Variants in GABBR2 observed in about 807,000 individuals in gnomAD.
The protein encoded by GABBR2 is G-protein coupled receptor 51.
A neutral mutation model predicts 105.6 loss-of-function variants in GABBR2; 23 were observed. That is an observed-to-expected ratio of 0.22 (90% confidence interval 0.16 to 0.31). The LOEUF is 0.31. Among genes scored for constraint, GABBR2 ranks in the 10% least tolerant of loss-of-function variants. The probability of loss-of-function intolerance (pLI) is 1.00; values close to 1 mark genes in which losing one functional copy is unlikely to be tolerated. For synonymous variants in GABBR2, 478 were observed against 499.7 expected (o/e 0.96, Z 0.58); for missense variants, 734 against 1,245.5 (o/e 0.59, Z 6.18).
At chr9:98,393,691 T>C (rs1427505722) in intron 9 of GABBR2, among the ~76,000 whole-genome samples, 2 of 152,202 alleles carry the variant, frequency 1.3e-5, no homozygotes, top group African/African-American at 4.8e-5. Context: ...GAAGAAAGAC[T>C]GGAAGCAAAG....
At chr9:98,569,653 G>A (rs1828799255) in intron 2 of GABBR2, among the ~76,000 whole-genome samples, 1 of 152,184 alleles carries the variant, frequency 6.6e-6, no homozygotes, top group Non-Finnish European at 1.5e-5. Context: ...AGTGCTGGAG[G>A]GTGAGCCACG....
At chr9:98,645,612 G>C (rs888734913) in intron 1 of GABBR2, among the ~76,000 whole-genome samples, 22 of 152,290 alleles carry the variant, frequency 1.4e-4, no homozygotes, top group Non-Finnish European at 1.5e-5. Context: ...CTAAGGTTCT[G>C]AATGTCCCTG....
At chr9:98,656,176 C>G (rs1461359479) in intron 1 of GABBR2, among the ~76,000 whole-genome samples, 1 of 152,130 alleles carries the variant, frequency 6.6e-6, no homozygotes, top group Non-Finnish European at 1.5e-5. Flanking sequence ...TGATCATGGC[C>G]TACAGCAGAT....
At chr9:98,356,817 C>T (rs995044744) in intron 13 of GABBR2, among the ~76,000 whole-genome samples, 1 of 152,072 alleles carries the variant, frequency 6.6e-6, no homozygotes, top group African/African-American at 2.4e-5. Context: ...GGAAATAGGA[C>T]ATTATTCAGT....
chr9:98,303,119 A>C, intron 16 of GABBR2, 122 bp downstream of exon 16: 1 of 700,022 alleles, frequency 1.4e-6, no homozygotes, highest in Non-Finnish European at 2.4e-6. Context: ...CTGCAACTGC[A>C]GCTGATGAGA....
intron 2 of GABBR2, among the ~76,000 whole-genome samples, chr9:98,572,812 C>T (rs892035386): frequency 6.6e-6 from 1 of 152,170 alleles, no homozygotes; most frequent in African/African-American, 2.4e-5. Context: ...ATTCTGCCTC[C>T]CAGGTCCTCA....
chr9:98,453,118 C>G (rs1167739610), intron 7 of GABBR2, among the ~76,000 whole-genome samples: 6 of 152,292 alleles, frequency 3.9e-5, no homozygotes, highest in African/African-American at 1.4e-4. Context: ...CCTCTGCTTC[C>G]CGGGTTCAAG....
intron 13 of GABBR2, among the ~76,000 whole-genome samples, chr9:98,322,637 C>T (rs995441929): frequency 6.6e-6 from 1 of 151,730 alleles, no homozygotes; most frequent in South Asian, 2.1e-4. Flanking sequence ...TGTTCCCCAT[C>T]CCCCAGTCTC....
intron 3 of GABBR2, among the ~76,000 whole-genome samples, chr9:98,508,337 C>T (rs908304651): frequency 1.7e-4 from 26 of 152,190 alleles, no homozygotes; most frequent in South Asian, 4.1e-4. Context: ...CCAGCGTGAG[C>T]GATGCAGAAG....
rs1231469635 is a variant in GABBR2 at position 98,548,229 on chromosome 9, C to T, written c.460-6186G>A. 3.3e-5 allele frequency among the ~76,000 whole-genome samples: 4 copies of T among 121,160 alleles called. 1 individual carries two copies. Among genetic ancestry groups the T allele is most frequent in the Non-Finnish European group, 5.5e-5 (3 of 54,116 alleles). 79.5% of individuals were successfully genotyped at this position (121,160 alleles called of 152,430 possible). The stretch of plus-strand genomic sequence containing the variant: ...GGGCTTATCAAGAGACACATGTGGA[C>T]GGCACTTGGCCCTGTTTTCTATTTA... On this transcript the variant is annotated intron_variant, in intron 2 of 18. Transcript: ENST00000259455.
chr9:98,463,193 T>A (rs969988561), intron 6 of GABBR2, among the ~76,000 whole-genome samples: 2 of 152,198 alleles, frequency 1.3e-5, no homozygotes, highest in African/African-American at 4.8e-5. Context: ...CCAGCCAATA[T>A]GTGCAATAAT....
chr9:98,461,189 G>A (rs1334095603), intron 6 of GABBR2, among the ~76,000 whole-genome samples: 1 of 152,128 alleles, frequency 6.6e-6, no homozygotes, highest in Non-Finnish European at 1.5e-5. Context: ...CAGAAAAATA[G>A]AAATGTGGGA....
At chr9:98,488,261 C>T (rs1240424003) in intron 4 of GABBR2, among the ~76,000 whole-genome samples, 1 of 152,182 alleles carries the variant, frequency 6.6e-6, no homozygotes, top group Non-Finnish European at 1.5e-5. Context: ...GAAGACACTT[C>T]CCTCTCTGGA....
chr9:98,341,766 G>A (rs957359159), intron 13 of GABBR2, among the ~76,000 whole-genome samples: 7 of 152,208 alleles, frequency 4.6e-5, no homozygotes, highest in African/African-American at 1.7e-4. Context: ...CGTAGTAGAT[G>A]CTGAATCATG....
chr9:98,482,814 C>T (rs1030558826), intron 4 of GABBR2, among the ~76,000 whole-genome samples: 1 of 152,096 alleles, frequency 6.6e-6, no homozygotes, highest in East Asian at 1.9e-4. Flanking sequence ...CACCCGGTGG[C>T]TTCCATGCTG....
chr9:98,313,915 G>A (rs1046155794), intron 13 of GABBR2, among the ~76,000 whole-genome samples: 7 of 152,166 alleles, frequency 4.6e-5, no homozygotes, highest in African/African-American at 1.7e-4. Context: ...GTGCTCCCAC[G>A]TGAAAGCAGG....
intron 6 of GABBR2, among the ~76,000 whole-genome samples, chr9:98,470,707 G>A (rs1826656650): frequency 6.6e-6 from 1 of 152,042 alleles, no homozygotes; most frequent in Non-Finnish European, 1.5e-5. Context: ...ACCTTGCACT[G>A]GCATGACTCA....
chr9:98,695,463 G>T (rs117160758), intron 1 of GABBR2, among the ~76,000 whole-genome samples: 1 of 152,162 alleles, frequency 6.6e-6, no homozygotes, highest in African/African-American at 2.4e-5. Flanking sequence ...AGAAATGGAT[G>T]GGGCTTAAAA....
chr9:98,371,600 G>A lies in GABBR2; in HGVS notation c.1663-29C>T, dbSNP rs778527793. ...GAGGCCATGAGAAAACAGAGGCATT[G>A]ACCTTCCTTAGGTAGACAGACTTCA... On this transcript the variant is annotated intron_variant, in intron 11 of 18. Transcript: ENST00000259455. 3 of 1,255,418 alleles carry A rather than the reference G, an allele frequency of 2.4e-6. No homozygotes were observed. In the East Asian group the frequency reaches 6.9e-5, roughly 29 times the overall value. 77.8% of individuals were successfully genotyped at this position (1,255,418 alleles called of 1,614,324 possible). A position where few individuals can be genotyped will look rare whatever the true frequency, so the allele number is the denominator to read the frequency against.
Sources: allele counts gnomAD v4.1 joint callset (sites outside exome capture counted in the v4.1 genomes callset), GRCh38; gene constraint gnomAD v4.1.1; transcripts MANE v1.5; gene names NCBI Gene and HGNC (gene_info 2026-07-23, HGNC 2026-07-21).